Variants in PREP observed in about 807,000 individuals in gnomAD.
The protein encoded by PREP is dJ355L5.1 (prolyl endopeptidase).
PREP carries 29 observed loss-of-function variants against 87.6 expected under a neutral mutation model. That is an observed-to-expected ratio of 0.33 (90% CI 0.25 to 0.45). PREP has a LOEUF of 0.45. Ranked by LOEUF, PREP falls within the 20% of genes least tolerant of loss-of-function variation. The probability of loss-of-function intolerance (pLI) is 1.00; values close to 1 mark genes in which losing one functional copy is unlikely to be tolerated. For synonymous variants in PREP, 337 were observed against 328.6 expected, an observed-to-expected ratio of 1.03 and a Z score of -0.28; for missense variants, 695 against 886.5, an observed-to-expected ratio of 0.78 and a Z score of 2.74.
intron 7 of PREP, among the ~76,000 whole-genome samples, chr6:105,352,387 T>C (rs1771981067): frequency 1.3e-5 from 2 of 152,222 alleles, no homozygotes; most frequent in Admixed American, 6.5e-5. Context: ...TATCATGATA[T>C]GTAAGGCTTT....
At chr6:105,302,576 A>G in intron 10 of PREP, 1 of 399,028 alleles carries the variant, frequency 2.5e-6, no homozygotes. Flanking sequence ...CTCAGGCCGC[A>G]GGTCCAGGGG....
At chr6:105,282,337 T>C (rs946899535) in intron 13 of PREP, 114 bp downstream of exon 13, 5 of 1,306,970 alleles carry the variant, frequency 3.8e-6, no homozygotes, top group Non-Finnish European at 5.3e-6. Context: ...GCTCTCCTTA[T>C]ACCACTTTGT....
intron 10 of PREP, among the ~76,000 whole-genome samples, chr6:105,321,965 C>T (rs1771022353): frequency 1.3e-5 from 2 of 152,110 alleles, no homozygotes; most frequent in South Asian, 4.1e-4. Context: ...GTGTCCCTGA[C>T]ATTCCTGATA....
At chr6:105,371,732 T>C (rs1772554453) in intron 5 of PREP, among the ~76,000 whole-genome samples, 1 of 152,134 alleles carries the variant, frequency 6.6e-6, no homozygotes, top group South Asian at 2.1e-4. Flanking sequence ...TCAGGGACAC[T>C]GGTAAGAAGC....
intron 10 of PREP, among the ~76,000 whole-genome samples, chr6:105,305,372 GC>G (rs1321775995): frequency 1.3e-5 from 2 of 152,120 alleles, no homozygotes; most frequent in African/African-American, 2.4e-5. Context: ...GCTGAGTGTG[GC>G]CCCGAATTAA....
Position 105,374,743 on chromosome 6 carries a change from T to G in PREP, c.386-1165A>C, listed in dbSNP as rs111826310. Among the ~76,000 whole-genome samples the G allele has an allele frequency of 9.5e-4, 138 of 145,818 alleles. 1 individual carries two copies. The highest frequency in any genetic ancestry group is 2.0e-3 in the Non-Finnish European group (131 of 66,340). On this transcript the variant is annotated intron_variant, in intron 4 of 14. Coordinates refer to ENST00000652536, the MANE Select transcript of PREP (RefSeq NM_002726.5). ...ATAAAACATTTTGATTTGAAAAGTA[T>G]GTTTAAAAATCATATACTACAAAAA... is the stretch of plus-strand genomic sequence containing the variant.
At position 105,385,456 on chromosome 6, in the gene PREP, A is replaced by C. The variant is rs1240867985; in HGVS notation, c.121-7937T>G. 2.6e-5 allele frequency among the ~76,000 whole-genome samples: 4 copies of C among 152,180 alleles called. No homozygotes were observed. In the East Asian group the frequency reaches 7.7e-4, roughly 29 times the overall value. ...ATATTACACATAACTTCATGCTAGT[A>C]ATTTTTAAATCTCAATGAAATGAAT... On this transcript the variant is annotated intron_variant, in intron 2 of 14. Transcript: ENST00000652536.
At chr6:105,399,631 A>C (rs1054396707) in intron 1 of PREP, among the ~76,000 whole-genome samples, 13 of 152,238 alleles carry the variant, frequency 8.5e-5, no homozygotes, top group Middle Eastern at 3.2e-3. Context: ...ACCACCGAAC[A>C]ACAGCTTTTC....
chr6:105,274,033 T>A lies in PREP; in HGVS notation c.*4111A>T, dbSNP rs536475280. ...CACTTTGTTTCTTCACAGCTCTTTT[T>A]ATTCCTGTTTCTTGTTAATTCCTGA... On this transcript the variant is annotated 3_prime_UTR_variant, in exon 15 of 15. Coordinates refer to ENST00000652536, the MANE Select transcript of PREP (RefSeq NM_002726.5). Among the ~76,000 whole-genome samples the A allele has an allele frequency of 4.9e-4, 74 of 152,384 alleles. No individual in the cohort carries two copies. The highest frequency in any genetic ancestry group is 1.8e-3 in the African/African-American group (74 of 41,598).
intron 6 of PREP, among the ~76,000 whole-genome samples, chr6:105,353,659 C>G (rs1772016414): frequency 6.6e-6 from 1 of 151,144 alleles, no homozygotes; most frequent in Non-Finnish European, 1.5e-5. Context: ...GTAATCCCAG[C>G]TACTCGGGAG....
At chr6:105,324,425 A>C (rs189602166) in intron 9 of PREP, among the ~76,000 whole-genome samples, 4 of 152,366 alleles carry the variant, frequency 2.6e-5, no homozygotes, top group African/African-American at 9.6e-5. Context: ...CGTATGTAAC[A>C]CTAATTAAAC....
chr6:105,402,261 G>A (rs1188521036), intron 1 of PREP, among the ~76,000 whole-genome samples: 22 of 152,140 alleles, frequency 1.4e-4, no homozygotes, highest in Admixed American at 1.4e-3. Context: ...CCCCATTTCT[G>A]TCCGGGTCTC....
chr6:105,371,500 C>CAAAAAAAAAAAAAAAAAAAAAA (rs528772896), intron 5 of PREP, among the ~76,000 whole-genome samples: 6 of 44,798 alleles, frequency 1.3e-4, no homozygotes, highest in African/African-American at 3.7e-4. Context: ...GATTCCATCT[C>CAAAAAAAAAAAAAAAAAAAAAA]AAAAAAAAAA....
At chr6:105,350,210 A>T (rs978289793) in intron 7 of PREP, among the ~76,000 whole-genome samples, 3 of 152,172 alleles carry the variant, frequency 2.0e-5, no homozygotes, top group Non-Finnish European at 4.4e-5. Context: ...TTCAGTCAAG[A>T]AACAAAGAAA....
intron 11 of PREP, 105 bp from the exon 12 acceptor site, chr6:105,285,685 T>G (rs1770176338): frequency 1.2e-6 from 1 of 843,114 alleles, no homozygotes; most frequent in African/African-American, 1.7e-5. Context: ...CTCTGAGTAA[T>G]ATCATCTCAA....
chr6:105,362,289 C>T (rs1191714382), intron 6 of PREP, among the ~76,000 whole-genome samples: 3 of 152,066 alleles, frequency 2.0e-5, no homozygotes, highest in South Asian at 2.1e-4. Context: ...GGTGAAACCC[C>T]GTCTCTACTA....
intron 6 of PREP, among the ~76,000 whole-genome samples, chr6:105,354,579 G>A (rs1208437972): frequency 6.6e-6 from 1 of 151,714 alleles, no homozygotes; most frequent in Middle Eastern, 3.2e-3. Context: ...GAGTAAAGCG[G>A]ACCACCCTCC....
At chr6:105,312,868 T>C (rs1770786405) in intron 10 of PREP, among the ~76,000 whole-genome samples, 1 of 152,118 alleles carries the variant, frequency 6.6e-6, no homozygotes, top group Admixed American at 6.5e-5. Flanking sequence ...GGTCCGGGGC[T>C]ACGGGGCGGC....
At position 105,353,096 on chromosome 6, in the gene PREP, T is replaced by A. The variant is rs779683440; in HGVS notation, c.718-19A>T. Reference sequence around the variant, plus strand: ...CAGATAACTAAAAAAGAAAAAAAAATAGTGCAGGGGACTAATTAGAATTTA... The same window carrying A: ...CAGATAACTAAAAAAGAAAAAAAAAAAGTGCAGGGGACTAATTAGAATTTA... On this transcript the variant is annotated intron_variant, in intron 6 of 14. Transcript: ENST00000652536. 9.2e-6 allele frequency: 14 copies of A among 1,519,286 alleles called. No individual in the cohort carries two copies. Among genetic ancestry groups the A allele is most frequent in the Middle Eastern group, 1.7e-4 (1 of 5,904 alleles). 94.1% of individuals were successfully genotyped at this position (1,519,286 alleles called of 1,614,324 possible).
Sources: gnomAD v4.1 joint callset for allele counts (sites outside exome capture counted in the v4.1 genomes callset) on GRCh38, gnomAD v4.1.1 for gene constraint, MANE v1.5 for transcripts, NCBI Gene and HGNC (gene_info 2026-07-23, HGNC 2026-07-21) for gene names.